AP1G1: variants seen among roughly 807,000 people sequenced by gnomAD.
The protein encoded by AP1G1 is adaptor related protein complex 1 subunit gamma 1, also known as AP-1 complex subunit gamma-1.
Under a neutral mutation model 108.3 loss-of-function variants are expected in AP1G1, and 7 were observed. The observed-to-expected ratio is 0.06, with a 90% CI of 0.04 to 0.12. AP1G1 has a LOEUF of 0.12. Ranked by LOEUF, AP1G1 falls within the 10% of genes least tolerant of loss-of-function variation. AP1G1 has a pLI of 1.00. For missense variants in AP1G1, 756 were observed against 1,010.7 expected (o/e 0.75, Z 3.42); for synonymous variants, 379 against 353.5 (o/e 1.07, Z -0.81).
chr16:71,736,936 C>T (rs2045557851), intron 21 of AP1G1, among the ~76,000 whole-genome samples: 1 of 151,928 alleles, frequency 6.6e-6, no homozygotes, highest in South Asian at 2.1e-4. Context: ...TCATGTTGCA[C>T]TGTACAGTAC....
chr16:71,765,424 G>A (rs112434178), intron 7 of AP1G1, 65 bp downstream of exon 7: 49 of 1,183,770 alleles, frequency 4.1e-5, no homozygotes, highest in African/African-American at 1.1e-4. Context: ...TAAGAGGAAG[G>A]AAATTGTCTA....
intron 1 of AP1G1, among the ~76,000 whole-genome samples, chr16:71,806,032 A>T (rs772519380): frequency 3.4e-4 from 1 of 2,980 alleles, no homozygotes; most frequent in Admixed American, 8.5e-3. Context: ...TAAAAATAAT[A>T]AAAAAAAAAA....
At chr16:71,779,549 C>T (rs1355512361) in intron 2 of AP1G1, among the ~76,000 whole-genome samples, 2 of 152,098 alleles carry the variant, frequency 1.3e-5, no homozygotes, top group African/African-American at 4.8e-5. Context: ...TCACGTTAAC[C>T]AGGCTGGTCT....
intron 1 of AP1G1, among the ~76,000 whole-genome samples, chr16:71,797,674 C>T (rs542166822): frequency 2.0e-5 from 3 of 152,222 alleles, no homozygotes; most frequent in Admixed American, 2.0e-4. Context: ...TGGTGCACGC[C>T]TGTGACCCCA....
At chr16:71,734,564 T>A (rs1169099879) in intron 22 of AP1G1, 45 bp downstream of exon 22, 1 of 1,449,378 alleles carries the variant, frequency 6.9e-7, no homozygotes, top group East Asian at 2.3e-5. Flanking sequence ...TCGGGAAATA[T>A]GCTTACACTT....
chr16:71,808,290 G>GTCCGTCC, intron 1 of AP1G1: 1 of 854,448 alleles, frequency 1.2e-6, no homozygotes, highest in Non-Finnish European at 1.5e-6. Context: ...GTTCCGAGAG[G>GTCCGTCC]ACGGCACTGC....
intron 1 of AP1G1, among the ~76,000 whole-genome samples, chr16:71,792,008 C>T (rs770092891): frequency 2.2e-4 from 33 of 152,110 alleles, no homozygotes; most frequent in East Asian, 1.9e-3. Context: ...GTGATCCACC[C>T]GCCTTGGCCT....
intron 6 of AP1G1, 112 bp downstream of exon 6, chr16:71,769,511 C>T: frequency 9.5e-7 from 1 of 1,051,374 alleles, no homozygotes; most frequent in South Asian, 1.3e-5. Flanking sequence ...AGTTAAATCC[C>T]TTATTCAGAT....
At position 71,777,106 on chromosome 16, in the gene AP1G1, C is replaced by CAA. The variant is rs57955419; in HGVS notation, c.202-2516_202-2515dup. ...GCCTAGGAAAACAGCCAAACTGTTA[C>CAA]AAAAAAAAAAAAAAAAAAAAAAAAA... On this transcript the variant is annotated intron_variant, in intron 2 of 22. Transcript: ENST00000299980. Among the ~76,000 whole-genome samples, 338 of 48,062 alleles carry CAA rather than the reference C, an allele frequency of 7.0e-3. 29 individuals are homozygous for CAA. The highest frequency in any genetic ancestry group is 0.021 in the African/African-American group (249 of 11,744). 31.5% of individuals were successfully genotyped at this position (48,062 alleles called of 152,430 possible). A position where few individuals can be genotyped will look rare whatever the true frequency, so the allele number is the denominator to read the frequency against.
intron 13 of AP1G1, chr16:71,751,411 G>A (rs1272134784): frequency 6.9e-6 from 1 of 143,930 alleles, no homozygotes; most frequent in Non-Finnish European, 1.5e-5. Context: ...TAGAACAATA[G>A]ATTTAATTTG....
At chr16:71,802,475 A>G (rs1225671652) in intron 1 of AP1G1, among the ~76,000 whole-genome samples, 1 of 152,154 alleles carries the variant, frequency 6.6e-6, no homozygotes, top group Admixed American at 6.6e-5. Flanking sequence ...CATGCCTGTA[A>G]TCCCGGCACT....
chr16:71,789,013 T>C (rs1449816016), intron 2 of AP1G1, among the ~76,000 whole-genome samples: 2 of 152,184 alleles, frequency 1.3e-5, no homozygotes, highest in Non-Finnish European at 2.9e-5. Context: ...AACCACCACA[T>C]AATCCTGGTC....
chr16:71,780,278 C>A (rs922467114), intron 2 of AP1G1, among the ~76,000 whole-genome samples: 1 of 151,954 alleles, frequency 6.6e-6, no homozygotes, highest in African/African-American at 2.4e-5. Flanking sequence ...CGTGAGCCAC[C>A]GCGCCGGCCA....
chr16:71,764,626 AAT>A lies in AP1G1; in HGVS notation c.819+18_819+19del, dbSNP rs766994028. 1 of 1,513,638 alleles carries A rather than the reference AAT, an allele frequency of 6.6e-7. No individual in the cohort carries two copies. The highest frequency in any genetic ancestry group is 8.9e-7 in the Non-Finnish European group (1 of 1,117,864). 93.8% of individuals were successfully genotyped at this position (1,513,638 alleles called of 1,614,324 possible). ...GCGAAACTAAAATAAATATATATTT[AAT>A]ATGTTTGGTCTACTCACCTGTGCTA... is the stretch of plus-strand genomic sequence containing the variant. On this transcript the variant is annotated intron_variant, in intron 8 of 22. Transcript: ENST00000299980.
intron 1 of AP1G1, among the ~76,000 whole-genome samples, chr16:71,790,996 A>C (rs2032377174): frequency 6.6e-6 from 1 of 152,160 alleles, no homozygotes; most frequent in Non-Finnish European, 1.5e-5. Flanking sequence ...CAAGGCAGGC[A>C]GATCACCTGA....
At chr16:71,738,799 C>T (rs1276914084) in intron 21 of AP1G1, 143 bp downstream of exon 21, 2 of 728,178 alleles carry the variant, frequency 2.7e-6, no homozygotes, top group Admixed American at 2.9e-5. Flanking sequence ...TTCCATGAAC[C>T]ATAAGCTACA....
At chr16:71,772,956 T>G (rs761816791) in intron 4 of AP1G1, 54 of 505,904 alleles carry the variant, frequency 1.1e-4, no homozygotes, top group African/African-American at 9.6e-4. Context: ...CTGTTCATAA[T>G]CACCTTGCTG....
At position 71,732,555 on chromosome 16, in the gene AP1G1, T is replaced by C. The variant is rs1259308947; in HGVS notation, c.*503A>G. 1 of 153,532 alleles carries C rather than the reference T, an allele frequency of 6.5e-6. No homozygotes were observed. Among genetic ancestry groups the C allele is most frequent in the Non-Finnish European group, 1.5e-5 (1 of 68,932 alleles). 9.5% of individuals were successfully genotyped at this position (153,532 alleles called of 1,614,324 possible). A position where few individuals can be genotyped will look rare whatever the true frequency, so the allele number is the denominator to read the frequency against. ...AGGCAGGGCTCCCTAATGTCCATTA[T>C]TACATTTCCATTCCGAATGCCAGAT... is the stretch of plus-strand genomic sequence containing the variant. On this transcript the variant is annotated 3_prime_UTR_variant, in exon 23 of 23. Coordinates refer to ENST00000299980, the MANE Select transcript of AP1G1 (RefSeq NM_001128.6).
chr16:71,756,047 C>T lies in AP1G1; in HGVS notation c.1201G>A (p.Ala401Thr). Reference protein sequence around the residue: ...SCEPEFKADCASGIFLAAEKY... With the variant: ...SCEPEFKADCTSGIFLAAEKY... ...TCTGCAGCAAGAAAGATTCCAGATGCACAGTCTGCTTTAAATTCTGGCTCA... is the reference window on the plus strand; with the variant it reads ...TCTGCAGCAAGAAAGATTCCAGATGTACAGTCTGCTTTAAATTCTGGCTCA... Residue 401 changes from alanine (A) to threonine (T), a missense_variant, in exon 12 of 23, where the codon GCA becomes ACA. Ala to Thr is a moderately conservative substitution (Grantham distance 58). Around this residue, in one of 3 missense-constraint regions of AP1G1, gnomAD observed 357 missense variants for 366.5 expected, o/e 0.97. Coordinates refer to ENST00000299980, the MANE Select transcript of AP1G1 (RefSeq NM_001128.6). The T allele has an allele frequency of 2.5e-6, 4 of 1,612,410 alleles. No homozygotes were observed. In the Middle Eastern group the frequency reaches 6.6e-4, roughly 266 times the overall value.
Sources: gnomAD v4.1 joint callset for allele counts (sites outside exome capture counted in the v4.1 genomes callset) on GRCh38, gnomAD v4.1.1 for gene constraint, gnomAD v4.1.1 regional missense constraint, MANE v1.5 for transcripts, NCBI Gene and HGNC (gene_info 2026-07-23, HGNC 2026-07-21) for gene names.